The following MGAT4A variants were observed in gnomAD, a reference collection of about 807,000 sequenced individuals.
MGAT4A encodes alpha-1,3-mannosyl-glycoprotein 4-beta-N-acetylglucosaminyltransferase A.
Under a neutral mutation model 74.1 loss-of-function variants are expected in MGAT4A, and 33 were observed. The ratio of observed to expected loss-of-function variants is 0.45; its 90% confidence interval spans 0.34 to 0.60. The LOEUF (loss-of-function observed/expected upper bound fraction) is 0.60. MGAT4A is among the 20% of genes least tolerant of loss of function. The pLI is 0.02. For missense variants in MGAT4A, 479 were observed against 628.3 expected, an observed-to-expected ratio of 0.76 and a Z score of 2.54; for synonymous variants, 198 against 210.4, an observed-to-expected ratio of 0.94 and a Z score of 0.51.
rs201226698 is a variant in MGAT4A at position 98,726,382 on chromosome 2, G to T, written c.-50C>A. 6.6e-7 allele frequency: 1 copy of T among 1,520,910 alleles called. No homozygotes were observed. Among genetic ancestry groups the T allele is most frequent in the Non-Finnish European group, 9.1e-7 (1 of 1,102,778 alleles). The allele number at this position is 1,520,910 out of a possible 1,614,324, so 94.2% of individuals were successfully genotyped here. A position where few individuals can be genotyped will look rare whatever the true frequency, so the allele number is the denominator to read the frequency against. On this transcript the variant is annotated 5_prime_UTR_variant, in exon 2 of 16. Transcript: ENST00000393487. ...ATATGTTTATGATGACAACAACCAG[G>T]ACTGTTTTCTTTTTACCCTGAAAGT...
intron 10 of MGAT4A, among the ~76,000 whole-genome samples, chr2:98,641,737 G>T (rs1209009708): frequency 6.6e-6 from 1 of 151,930 alleles, no homozygotes; most frequent in Non-Finnish European, 1.5e-5. Context: ...GCTCACGTCT[G>T]TAATCCTAGC....
intron 2 of MGAT4A, among the ~76,000 whole-genome samples, chr2:98,722,035 G>T (rs1463285652): frequency 2.0e-5 from 3 of 152,178 alleles, no homozygotes; most frequent in Non-Finnish European, 4.4e-5. Flanking sequence ...TAAACAGATT[G>T]AAGTAAAAGT....
chr2:98,696,044 C>A (rs906911227), intron 2 of MGAT4A, among the ~76,000 whole-genome samples: 1 of 151,666 alleles, frequency 6.6e-6, no homozygotes, highest in Non-Finnish European at 1.5e-5. Context: ...ACCATGCCTG[C>A]CTAATTTTTC....
intron 14 of MGAT4A, among the ~76,000 whole-genome samples, chr2:98,630,393 T>C (rs930024307): frequency 6.6e-6 from 1 of 152,188 alleles, no homozygotes; most frequent in African/African-American, 2.4e-5. Flanking sequence ...TGTGCATTGC[T>C]TAGGAATATA....
intron 8 of MGAT4A, among the ~76,000 whole-genome samples, chr2:98,647,276 T>C (rs1701501323): frequency 6.6e-6 from 1 of 152,106 alleles, no homozygotes; most frequent in South Asian, 2.1e-4. Flanking sequence ...TCAGCCTCGC[T>C]GGAGGTGGGA....
intron 2 of MGAT4A, among the ~76,000 whole-genome samples, chr2:98,690,283 C>A (rs1275676410): frequency 1.3e-5 from 2 of 152,154 alleles, no homozygotes; most frequent in Non-Finnish European, 2.9e-5. Context: ...CCACCCTCCA[C>A]CAGTAATGAG....
chr2:98,655,374 T>C, intron 8 of MGAT4A, 71 bp downstream of exon 8: 1 of 1,217,452 alleles, frequency 8.2e-7, no homozygotes, highest in South Asian at 1.4e-5. Context: ...ACTTCCTGTT[T>C]TAATGAAAAC....
intron 2 of MGAT4A, among the ~76,000 whole-genome samples, chr2:98,688,293 G>A (rs1559169494): frequency 6.6e-6 from 1 of 151,986 alleles, no homozygotes; most frequent in Non-Finnish European, 1.5e-5. Context: ...ATTACCATAT[G>A]AGTCCCTCAG....
intron 14 of MGAT4A, among the ~76,000 whole-genome samples, chr2:98,633,654 T>A (rs1024327635): frequency 2.6e-5 from 4 of 152,216 alleles, no homozygotes; most frequent in Non-Finnish European, 5.9e-5. Context: ...GGTCCTAGGC[T>A]GATGATGCAG....
intron 10 of MGAT4A, among the ~76,000 whole-genome samples, chr2:98,640,605 AAAAC>A (rs755617050): frequency 1.2e-4 from 18 of 152,324 alleles, no homozygotes; most frequent in South Asian, 8.3e-4. Context: ...CTCTGTCACA[AAAAC>A]AAACAAACAA....
At chr2:98,632,756 TG>T (rs1285824422) in intron 14 of MGAT4A, among the ~76,000 whole-genome samples, 2 of 152,150 alleles carry the variant, frequency 1.3e-5, no homozygotes, top group Non-Finnish European at 2.9e-5. Flanking sequence ...CAGTAGCCCT[TG>T]GTTTTTGTCT....
chr2:98,717,226 A>G (rs1357019251), intron 2 of MGAT4A, among the ~76,000 whole-genome samples: 1 of 152,112 alleles, frequency 6.6e-6, no homozygotes, highest in Non-Finnish European at 1.5e-5. Flanking sequence ...CTAAAAATAC[A>G]AAATTAGCCA....
chr2:98,685,431 T>C (rs1702115804), intron 2 of MGAT4A, among the ~76,000 whole-genome samples: 1 of 152,164 alleles, frequency 6.6e-6, no homozygotes, highest in African/African-American at 2.4e-5. Context: ...TTTTTAAAGA[T>C]TTCACATGCA....
chr2:98,640,250 G>C (rs201532027), intron 10 of MGAT4A, 22 bp from the exon 11 acceptor site: 2 of 1,561,936 alleles, frequency 1.3e-6, no homozygotes, highest in Non-Finnish European at 1.8e-6. Flanking sequence ...AAAAAATCAC[G>C]TTAGTGTTGC....
chr2:98,653,495 A>G (rs763838954), intron 8 of MGAT4A, among the ~76,000 whole-genome samples: 1 of 151,986 alleles, frequency 6.6e-6, no homozygotes, highest in Non-Finnish European at 1.5e-5. Flanking sequence ...AAGAGGGAAC[A>G]TAACAACTGA....
intron 4 of MGAT4A, among the ~76,000 whole-genome samples, chr2:98,668,904 C>T (rs1701874155): frequency 6.6e-6 from 1 of 152,206 alleles, no homozygotes; most frequent in South Asian, 2.1e-4. Context: ...GGGCCTGTAG[C>T]CCCTTTGTTT....
At chr2:98,677,799 A>C (rs1339379189) in intron 3 of MGAT4A, among the ~76,000 whole-genome samples, 1 of 128,244 alleles carries the variant, frequency 7.8e-6, no homozygotes, top group African/African-American at 2.8e-5. Context: ...AGCAGGTAAT[A>C]AATTTTTTTT....
chr2:98,684,426 T>C (rs1195938501), intron 2 of MGAT4A, among the ~76,000 whole-genome samples: 2 of 152,228 alleles, frequency 1.3e-5, no homozygotes, highest in Non-Finnish European at 2.9e-5. Flanking sequence ...GAAAATTATA[T>C]GTTCAGCCTA....
At position 98,726,244 on chromosome 2, in the gene MGAT4A, C is replaced by T; in HGVS notation, c.89G>A (p.Gly30Glu). The stretch of plus-strand genomic sequence containing the variant: ...TTCCGAGTCATTTTCCTTACCTTTC[C>T]CATTTTGCCATGTAGTATACCAAGA... ...TLSWYTTWQN[G>E]KEKLIAYQRE... The change falls in exon 2 of 16, where the codon GGG becomes GAG. Residue 30 changes from glycine to glutamate, a missense_variant. Coordinates refer to ENST00000393487, the MANE Select transcript of MGAT4A (RefSeq NM_012214.3). 1 of 1,612,498 alleles carries T rather than the reference C, an allele frequency of 6.2e-7. No individual in the cohort carries two copies. Among genetic ancestry groups the T allele is most frequent in the Non-Finnish European group, 8.5e-7 (1 of 1,178,930 alleles).
Sources: gnomAD v4.1 joint callset for allele counts (sites outside exome capture counted in the v4.1 genomes callset) on GRCh38, gnomAD v4.1.1 for gene constraint, MANE v1.5 for transcripts, NCBI Gene and HGNC (gene_info 2026-07-23, HGNC 2026-07-21) for gene names.